Variants in LOC128462377 observed in about 807,000 individuals in gnomAD.
the LOC128462377 span, among the ~76,000 whole-genome samples, chr16:89,372,348 GC>G: frequency 2.0e-5 from 3 of 152,188 alleles, no homozygotes; most frequent in African/African-American, 7.2e-5. Flanking sequence ...TGCAGGGCCT[GC>G]CGCCGGTGTG....
At chr16:89,406,959 C>A in the LOC128462377 span, among the ~76,000 whole-genome samples, 1 of 152,086 alleles carries the variant, frequency 6.6e-6, no homozygotes, top group Admixed American at 6.5e-5. Context: ...GAAGGGGGAG[C>A]AGATCACTTG....
chr16:89,317,822 G>T, the LOC128462377 span, among the ~76,000 whole-genome samples: 1 of 152,038 alleles, frequency 6.6e-6, no homozygotes, highest in African/African-American at 2.4e-5. Context: ...TTCTGGCCAG[G>T]GAGAGACTGC....
the LOC128462377 span, among the ~76,000 whole-genome samples, chr16:89,379,741 C>G: frequency 6.6e-6 from 1 of 152,238 alleles, no homozygotes; most frequent in East Asian, 1.9e-4. Context: ...CGTGTTGGTT[C>G]TTGTGATTCA....
chr16:89,347,901 T>G, the LOC128462377 span, among the ~76,000 whole-genome samples: 91 of 152,204 alleles, frequency 6.0e-4, no homozygotes, highest in Middle Eastern at 0.01. Context: ...CTGTTCTTAC[T>G]TTGCAGAGCA....
At chr16:89,323,768 C>A in the LOC128462377 span, 2 of 259,052 alleles carry the variant, frequency 7.7e-6, no homozygotes, top group Non-Finnish European at 1.5e-5. Flanking sequence ...CTCCTCAGGG[C>A]CGCACCAGCT....
chr16:89,367,102 C>A, the LOC128462377 span, among the ~76,000 whole-genome samples: 1 of 152,210 alleles, frequency 6.6e-6, no homozygotes, highest in Non-Finnish European at 1.5e-5. Flanking sequence ...CACCCCGAGA[C>A]TCACCGGATA....
the LOC128462377 span, among the ~76,000 whole-genome samples, chr16:89,346,638 G>T: frequency 6.6e-6 from 1 of 152,294 alleles, no homozygotes; most frequent in Middle Eastern, 3.4e-3. Context: ...CATTTCTAAG[G>T]ATGAGGGAGG....
At chr16:89,388,524 G>A in the LOC128462377 span, among the ~76,000 whole-genome samples, 1 of 151,942 alleles carries the variant, frequency 6.6e-6, no homozygotes, top group African/African-American at 2.4e-5. Context: ...ACGCACACAC[G>A]TCACAAAAAA....
chr16:89,326,361 A>C, the LOC128462377 span, among the ~76,000 whole-genome samples: 10 of 152,046 alleles, frequency 6.6e-5, no homozygotes, highest in South Asian at 2.1e-3. Flanking sequence ...CGGTCTGCAG[A>C]AGGGGACGCA....
chr16:89,409,698 C>A, the LOC128462377 span, among the ~76,000 whole-genome samples: 1 of 152,162 alleles, frequency 6.6e-6, no homozygotes, highest in African/African-American at 2.4e-5. Flanking sequence ...CTAAAAGTTT[C>A]CATTACAACA....
chr16:89,320,242 C>T, the LOC128462377 span: 2 of 152,202 alleles, frequency 1.3e-5, no homozygotes, highest in East Asian at 1.9e-4. Context: ...GCTGCACAGC[C>T]GACCACACAA....
chr16:89,380,950 G>C, the LOC128462377 span, among the ~76,000 whole-genome samples: 146 of 152,310 alleles, frequency 9.6e-4, no homozygotes, highest in African/African-American at 3.0e-3. Flanking sequence ...TCCCAGTGTG[G>C]GCCCACTCTG....
chr16:89,417,472 G>A, the LOC128462377 span, among the ~76,000 whole-genome samples: 2 of 152,184 alleles, frequency 1.3e-5, no homozygotes, highest in Admixed American at 1.3e-4. Flanking sequence ...AGCGACACGT[G>A]CTTGCTCAGA....
the LOC128462377 span, among the ~76,000 whole-genome samples, chr16:89,399,461 C>T: frequency 0.022 from 3,414 of 152,300 alleles, 135 homozygotes; most frequent in African/African-American, 0.078. Flanking sequence ...AGGGCAAAAC[C>T]GTGCAGACAG....
chr16:89,341,243 A>T, the LOC128462377 span, among the ~76,000 whole-genome samples: 20 of 152,182 alleles, frequency 1.3e-4, no homozygotes, highest in Non-Finnish European at 2.1e-4. Flanking sequence ...TGGCAAGCAG[A>T]CCCGGTTTGG....
chr16:89,398,389 G>C, the LOC128462377 span, among the ~76,000 whole-genome samples: 6 of 88,110 alleles, frequency 6.8e-5, no homozygotes. Flanking sequence ...TGAAACAGAT[G>C]AAGATTACCT....
the LOC128462377 span, among the ~76,000 whole-genome samples, chr16:89,354,952 C>G: frequency 6.6e-6 from 1 of 152,102 alleles, no homozygotes; most frequent in Non-Finnish European, 1.5e-5. Flanking sequence ...GAAAATGCCC[C>G]CAAAGGAGTG....
the LOC128462377 span, among the ~76,000 whole-genome samples, chr16:89,395,425 G>A: frequency 6.7e-4 from 102 of 152,358 alleles, no homozygotes; most frequent in African/African-American, 2.4e-3. Flanking sequence ...AGATCAAAGA[G>A]AGGAGACAGC....
At chr16:89,330,084 A>G in the LOC128462377 span, among the ~76,000 whole-genome samples, 1 of 152,324 alleles carries the variant, frequency 6.6e-6, no homozygotes, top group Admixed American at 6.5e-5. Flanking sequence ...ACATTTTAAT[A>G]ATGTTTAAAA....
Sources: allele counts gnomAD v4.1 joint callset (sites outside exome capture counted in the v4.1 genomes callset), GRCh38; gene constraint gnomAD v4.1.1; transcripts MANE v1.5.